CENPI: variants seen among roughly 807,000 people sequenced by gnomAD.
The protein encoded by CENPI is centromere protein I.
CENPI carries 4 observed loss-of-function variants against 60.4 expected under a neutral mutation model. That is an observed-to-expected ratio of 0.07 (90% CI 0.03 to 0.15). The LOEUF is 0.15. Ranked by LOEUF, CENPI falls within the 10% of genes least tolerant of loss-of-function variation. The probability of loss-of-function intolerance (pLI) is 1.00; values close to 1 mark genes in which losing one functional copy is unlikely to be tolerated. For missense variants in CENPI, 444 were observed against 534.5 expected, an observed-to-expected ratio of 0.83 and a Z score of 1.67; for synonymous variants, 157 against 189.4, an observed-to-expected ratio of 0.83 and a Z score of 1.40.
chrX:101,126,680 T>C, intron 8 of CENPI, 29 bp from the exon 9 acceptor site: 1 of 1,121,984 alleles, frequency 8.9e-7, no homozygotes, highest in Non-Finnish European at 1.2e-6. Flanking sequence ...AGCCACAGAA[T>C]TGAAAATGGA....
At chrX:101,176,329 T>C in the CENPI span, among the ~76,000 whole-genome samples, 10 of 111,068 alleles carry the variant, frequency 9.0e-5, no homozygotes, top group Admixed American at 3.8e-4. Context: ...CATATGGTAG[T>C]TCTATTTTTA....
intron 8 of CENPI, among the ~76,000 whole-genome samples, chrX:101,123,488 G>A (rs1275789582): frequency 1.8e-5 from 2 of 111,602 alleles, no homozygotes; most frequent in Admixed American, 1.9e-4. Flanking sequence ...TATGCACTTT[G>A]GGCTGTGATT....
intron 20 of CENPI, among the ~76,000 whole-genome samples, chrX:101,151,480 C>T (rs1197156471): frequency 9.0e-6 from 1 of 111,150 alleles, no homozygotes; most frequent in East Asian, 2.8e-4. Flanking sequence ...CACCTTGTTA[C>T]TTTAAAAAAA....
chrX:101,108,728 T>C (rs1310058912), intron 4 of CENPI, among the ~76,000 whole-genome samples: 1 of 108,084 alleles, frequency 9.3e-6, no homozygotes, highest in African/African-American at 3.4e-5. Flanking sequence ...CACTGCAGCC[T>C]CAACCTCCCT....
At chrX:101,102,496 T>TATACAC (rs1556386354) in intron 4 of CENPI, 85 bp downstream of exon 4, 9 of 251,664 alleles carry the variant, frequency 3.6e-5, no homozygotes, top group East Asian at 3.2e-4. Flanking sequence ...TATATATATA[T>TATACAC]ACACACACAC....
chrX:101,137,162 C>G (rs1221931641), intron 15 of CENPI, among the ~76,000 whole-genome samples: 1 of 112,207 alleles, frequency 8.9e-6, no homozygotes, highest in Non-Finnish European at 1.9e-5. Context: ...ATCCTTTCAC[C>G]TCAGCCTCCC....
chrX:101,158,732 G>T (rs2090077926), intron 20 of CENPI, among the ~76,000 whole-genome samples: 1 of 110,447 alleles, frequency 9.1e-6, no homozygotes, highest in Admixed American at 9.6e-5. Flanking sequence ...CCAGGTTCAA[G>T]TGATTCTCAT....
chrX:101,152,994 C>G (rs761595578), intron 20 of CENPI, among the ~76,000 whole-genome samples: 26 of 108,146 alleles, frequency 2.4e-4, no homozygotes, highest in Non-Finnish European at 4.2e-4. Flanking sequence ...CTATGTTTAA[C>G]CACTGGAAGA....
At chrX:101,166,524 CAT>C (rs903000828), downstream of CENPI, among the ~76,000 whole-genome samples, 3 of 112,592 alleles carry the variant, frequency 2.7e-5, no homozygotes, top group African/African-American at 6.4e-5. Flanking sequence ...TATCTGAAAA[CAT>C]ATTTTTTGAA....
chrX:101,123,613 G>T (rs2089702751), intron 8 of CENPI, among the ~76,000 whole-genome samples: 1 of 110,141 alleles, frequency 9.1e-6, no homozygotes, highest in Non-Finnish European at 1.9e-5. Flanking sequence ...TAGAGACGGG[G>T]GTCTCACTTT....
chrX:101,175,842 T>C, the CENPI span, among the ~76,000 whole-genome samples: 1 of 111,449 alleles, frequency 9.0e-6, no homozygotes, highest in South Asian at 3.8e-4. Flanking sequence ...TTGTTAACTA[T>C]AGTTACCCTC....
Position 101,163,153 on chromosome X carries a change from A to G in CENPI, c.*186A>G. ...GTGCCTAACTGATTTTTCAAAATTT[A>G]GATTTTTTTAGCCTACCAGTGAAAA... On this transcript the variant is annotated 3_prime_UTR_variant, in exon 22 of 22. Transcript: ENST00000682095. 2 of 397,039 alleles carry G rather than the reference A, an allele frequency of 5.0e-6. No homozygotes were observed. The highest frequency in any genetic ancestry group is 8.4e-6 in the Non-Finnish European group (2 of 239,343). 32.7% of individuals were successfully genotyped at this position (397,039 alleles called of 1,213,427 possible).
intron 6 of CENPI, among the ~76,000 whole-genome samples, chrX:101,116,081 T>C (rs1455616197): frequency 8.9e-6 from 1 of 111,815 alleles, no homozygotes; most frequent in Non-Finnish European, 1.9e-5. Context: ...CATCCAATTA[T>C]TGATTGAAAA....
chrX:101,127,176 T>C lies in CENPI; in HGVS notation c.816T>C (p.Ala272=). 8.4e-7 allele frequency: 1 copy of C among 1,191,759 alleles called. No individual in the cohort carries two copies. The change falls in exon 10 of 22, where the codon GCT becomes GCC. Residue 272 remains alanine, a synonymous_variant. Coordinates refer to ENST00000682095, the MANE Select transcript of CENPI (RefSeq NM_001386188.2). The part of the protein sequence containing the change: ...FKNSENLWKT[A]LLAVKQRNRG... ...ATTCAGAGAATCTATGGAAGACGGC[T>C]CTGCTTGCCGTGAAGCAAAGAAACC... is the stretch of plus-strand genomic sequence containing the variant.
chrX:101,126,664 C>G (rs772625490), intron 8 of CENPI, 45 bp from the exon 9 acceptor site: 6 of 1,035,754 alleles, frequency 5.8e-6, no homozygotes, highest in Non-Finnish European at 6.7e-6. Context: ...TCCTCAGTTT[C>G]TTAATAGCCA....
intron 4 of CENPI, among the ~76,000 whole-genome samples, chrX:101,108,519 C>T (rs190014880): frequency 9.0e-6 from 1 of 111,585 alleles, no homozygotes; most frequent in Admixed American, 9.6e-5. Flanking sequence ...TTTTTTAAAG[C>T]ATAGTCACAG....
rs1413758391 is a variant in CENPI at position 101,165,460 on chromosome X, T to C, written c.*2493T>C. ...GGAGAGGAGTAAAGGATGACTCAGA[T>C]TTTTGACCTGTCAATTGGGTGAACT... On this transcript the variant is annotated 3_prime_UTR_variant, in exon 22 of 22. Transcript: ENST00000682095. 8.9e-6 allele frequency among the ~76,000 whole-genome samples: 1 copy of C among 111,783 alleles called. No homozygotes were observed. The highest frequency in any genetic ancestry group is 1.9e-5 in the Non-Finnish European group (1 of 53,166).
the CENPI span, among the ~76,000 whole-genome samples, chrX:101,177,839 C>T: frequency 8.9e-6 from 1 of 112,059 alleles, no homozygotes; most frequent in Non-Finnish European, 1.9e-5. Context: ...GCGATGGTGG[C>T]TGTGGGTGTG....
At chrX:101,124,726 C>T (rs146111546) in intron 8 of CENPI, among the ~76,000 whole-genome samples, 1 of 111,568 alleles carries the variant, frequency 9.0e-6, no homozygotes, top group Non-Finnish European at 1.9e-5. Context: ...AAGGGGCTTC[C>T]CCTTCGCCCA....
Sources: gnomAD v4.1 joint callset for allele counts (sites outside exome capture counted in the v4.1 genomes callset) on GRCh38, gnomAD v4.1.1 for gene constraint, MANE v1.5 for transcripts, NCBI Gene and HGNC (gene_info 2026-07-23, HGNC 2026-07-21) for gene names.